The following ATP6V0D1 variants were observed in gnomAD, a reference collection of about 807,000 sequenced individuals.
ATP6V0D1 encodes the protein ATPase H+ transporting V0 subunit d1, also known as V-type proton ATPase subunit d 1.
In ATP6V0D1, 13 loss-of-function variants were observed where a neutral mutation model predicts 39.0. That is an observed-to-expected ratio of 0.33 (90% CI 0.22 to 0.53). ATP6V0D1 has a LOEUF of 0.53. Ranked by LOEUF, ATP6V0D1 falls within the 20% of genes least tolerant of loss-of-function variation. The probability of loss-of-function intolerance (pLI) is 0.94; values close to 1 mark genes in which losing one functional copy is unlikely to be tolerated. For missense variants in ATP6V0D1, 272 were observed against 470.9 expected, an observed-to-expected ratio of 0.58 and a Z score of 3.91; for synonymous variants, 191 against 191.2, an observed-to-expected ratio of 1.00 and a Z score of 0.01.
At chr16:67,457,979 C>T (rs560904193) in intron 1 of ATP6V0D1, among the ~76,000 whole-genome samples, 28 of 152,304 alleles carry the variant, frequency 1.8e-4, no homozygotes, top group South Asian at 4.1e-4. Flanking sequence ...GTCAAAGGGC[C>T]GTTCCAGACC....
chr16:67,457,884 G>A (rs796228210), intron 1 of ATP6V0D1, among the ~76,000 whole-genome samples: 6 of 152,314 alleles, frequency 3.9e-5, no homozygotes, highest in Middle Eastern at 3.4e-3. Context: ...GAGCAAACCC[G>A]GGAGACTCTA....
At chr16:67,461,836 A>G (rs901548484) in intron 1 of ATP6V0D1, among the ~76,000 whole-genome samples, 1 of 152,200 alleles carries the variant, frequency 6.6e-6, no homozygotes, top group African/African-American at 2.4e-5. Context: ...TCCCAAGTCC[A>G]GGAAGCAAAA....
rs2040996011 is a variant in ATP6V0D1 at position 67,438,089 on chromosome 16, C to T, written c.*439G>A. ...GAGGGAGGGAGCTGAGGAGCAACAT[C>T]CCCCCAGGCCCCAAGGACACACACA... On this transcript the variant is annotated 3_prime_UTR_variant, in exon 8 of 8. Transcript: ENST00000290949. 1 of 183,856 alleles carries T rather than the reference C, an allele frequency of 5.4e-6. No homozygotes were observed. The highest frequency in any genetic ancestry group is 2.4e-5 in the African/African-American group (1 of 41,990). The allele number at this position is 183,856 out of a possible 1,614,324, so 11.4% of individuals were successfully genotyped here.
intron 4 of ATP6V0D1, among the ~76,000 whole-genome samples, chr16:67,441,925 A>G (rs2041057769): frequency 6.6e-6 from 1 of 152,204 alleles, no homozygotes; most frequent in African/African-American, 2.4e-5. Context: ...CTACTGGCTG[A>G]CCCTGCCCAC....
chr16:67,458,982 C>T, intron 1 of ATP6V0D1: 1 of 905,918 alleles, frequency 1.1e-6, no homozygotes, highest in Non-Finnish European at 1.3e-6. Flanking sequence ...GAATGAAGTC[C>T]TCCAAATTGA....
At position 67,444,106 on chromosome 16, in the gene ATP6V0D1, G is replaced by T. The variant is rs562847533; in HGVS notation, c.481+422C>A. Among the ~76,000 whole-genome samples the T allele has an allele frequency of 6.6e-6, 1 of 152,238 alleles. No individual in the cohort carries two copies. Among genetic ancestry groups the T allele is most frequent in the Non-Finnish European group, 1.5e-5 (1 of 68,032 alleles). ...GGGGACCTGCTCGGTGGAGGGAAGTGGCAGTGTTTGCTTCGCTCCTTGCCT... is the reference window on the plus strand; with the variant it reads ...GGGGACCTGCTCGGTGGAGGGAAGTTGCAGTGTTTGCTTCGCTCCTTGCCT... On this transcript the variant is annotated intron_variant, in intron 3 of 7. Transcript: ENST00000290949. The surrounding 1 kb of genome is among the most constrained non-coding windows in gnomAD (Gnocchi z 4.8).
rs979448499 is a variant in ATP6V0D1 at position 67,444,588 on chromosome 16, C to T, written c.421G>A (p.Val141Met). ...TCAGCAGGTGTCTGAGCAATGTTCA[C>T]GGCCTCCATCTGCTCGAAGCTGCCT... ...PLGSFEQMEA[V>M]NIAQTPAELY... is the part of the protein sequence containing the mutation. Residue 141 changes from valine to methionine, a missense_variant, in exon 3 of 8, where the codon GTG becomes ATG. Transcript: ENST00000290949. The surrounding 1 kb of genome is among the most constrained non-coding windows in gnomAD (Gnocchi z 4.8). 6.2e-7 allele frequency: 1 copy of T among 1,613,334 alleles called. No homozygotes were observed. Among genetic ancestry groups the T allele is most frequent in the Admixed American group, 1.7e-5 (1 of 59,998 alleles).
chr16:67,472,638 C>A (rs777604745), intron 1 of ATP6V0D1, among the ~76,000 whole-genome samples: 1 of 152,110 alleles, frequency 6.6e-6, no homozygotes, highest in East Asian at 1.9e-4. Context: ...GATGCCAAGA[C>A]GGGAGGATCA....
In ATP6V0D1 at chr16:67,438,819, G is replaced by T; in HGVS notation, c.868C>A (p.Leu290Met). The change falls in exon 7 of 8, where the codon CTG becomes ATG. Residue 290 changes from leucine to methionine, a missense_variant. Transcript: ENST00000290949. ...GAGSNPGDKT[L>M]EDRFFEHEVK... ...TCGTGCTCAAAGAATCGGTCCTCCA[G>T]CGTCTTGTCTCCAGGGTTGCTACCT... 6.2e-7 allele frequency: 1 copy of T among 1,613,858 alleles called. No homozygotes were observed. Among genetic ancestry groups the T allele is most frequent in the South Asian group, 1.1e-5 (1 of 91,074 alleles).
chr16:67,444,993 C>T lies in ATP6V0D1; in HGVS notation c.303-287G>A, dbSNP rs2041098365. 6.6e-6 allele frequency among the ~76,000 whole-genome samples: 1 copy of T among 152,192 alleles called. No homozygotes were observed. The highest frequency in any genetic ancestry group is 1.5e-5 in the Non-Finnish European group (1 of 68,036). Reference sequence around the variant, plus strand: ...ACTGGGACACGAGCTAACTACCCCACAGCATGAACAGTGTTCTAACAGGAC... The same window carrying T: ...ACTGGGACACGAGCTAACTACCCCATAGCATGAACAGTGTTCTAACAGGAC... On this transcript the variant is annotated intron_variant, in intron 2 of 7. Transcript: ENST00000290949. The surrounding 1 kb of genome is among the most constrained non-coding windows in gnomAD (Gnocchi z 4.8).
chr16:67,465,261 C>G (rs982372324), intron 1 of ATP6V0D1, among the ~76,000 whole-genome samples: 10 of 152,164 alleles, frequency 6.6e-5, no homozygotes, highest in African/African-American at 2.4e-4. Context: ...CCGTGTGGAC[C>G]TGCAGTGCTT....
chr16:67,447,700 T>C lies in ATP6V0D1; in HGVS notation c.303-2994A>G, dbSNP rs578170320. The stretch of plus-strand genomic sequence containing the variant: ...AACTCAGCTTGGGCCCACAGACATC[T>C]TGGGTTGGAGTTTAGGAAGCCACTT... On this transcript the variant is annotated intron_variant, in intron 2 of 7. Coordinates refer to ENST00000290949, the MANE Select transcript of ATP6V0D1 (RefSeq NM_004691.5). This position sits in a 1 kb window ranked among gnomAD's most constrained non-coding sequence, Gnocchi z 4.1. 7.9e-5 allele frequency among the ~76,000 whole-genome samples: 12 copies of C among 152,324 alleles called. No homozygotes were observed. In the East Asian group the frequency reaches 2.1e-3, roughly 27 times the overall value.
chr16:67,450,296 C>T (rs1047162171), intron 2 of ATP6V0D1, among the ~76,000 whole-genome samples: 7 of 152,110 alleles, frequency 4.6e-5, no homozygotes, highest in African/African-American at 1.4e-4. Context: ...ACCTAAAAAC[C>T]CCCTATTCCA....
At chr16:67,445,888 G>T (rs1319971747) in intron 2 of ATP6V0D1, 1 of 455,368 alleles carries the variant, frequency 2.2e-6, no homozygotes, top group Non-Finnish European at 4.4e-6. Flanking sequence ...CCTCCAGTCT[G>T]TCACCAAAGA....
At position 67,438,505 on chromosome 16, in the gene ATP6V0D1, A is replaced by G; in HGVS notation, c.*23T>C. On this transcript the variant is annotated 3_prime_UTR_variant, in exon 8 of 8. Transcript: ENST00000290949. ...CACACACACACACACAAAGAGTGCA[A>G]TTGAGAGCCTTGGGCCAGGACGCTA... 2 of 1,613,374 alleles carry G rather than the reference A, an allele frequency of 1.2e-6. No individual in the cohort carries two copies. Among genetic ancestry groups the G allele is most frequent in the African/African-American group, 1.3e-5 (1 of 75,028 alleles).
chr16:67,481,128 C>A lies in ATP6V0D1; in HGVS notation c.-42G>T. 1.2e-6 allele frequency: 2 copies of A among 1,610,816 alleles called. No homozygotes were observed. Among genetic ancestry groups the A allele is most frequent in the Non-Finnish European group, 1.7e-6 (2 of 1,177,890 alleles). On this transcript the variant is annotated 5_prime_UTR_variant, in exon 1 of 8. Transcript: ENST00000290949. ...GCGGGACCGGAGAACCAGGACCGGC[C>A]GGCACGAATCGCGACTCCCCAGGTC...
At chr16:67,450,538 G>T (rs550592151) in intron 2 of ATP6V0D1, among the ~76,000 whole-genome samples, 1 of 152,140 alleles carries the variant, frequency 6.6e-6, no homozygotes, top group Admixed American at 6.5e-5. Flanking sequence ...AAATAGCTAG[G>T]GGGGCTGGGG....
chr16:67,458,010 A>G (rs2041255307), intron 1 of ATP6V0D1, among the ~76,000 whole-genome samples: 1 of 152,086 alleles, frequency 6.6e-6, no homozygotes, highest in East Asian at 1.9e-4. Flanking sequence ...GCCAAACCCC[A>G]CATCTCCCTG....
chr16:67,440,998 C>T (rs2041043968), intron 4 of ATP6V0D1: 1 of 152,348 alleles, frequency 6.6e-6, no homozygotes, highest in South Asian at 2.1e-4. Flanking sequence ...GTCAAAAATC[C>T]CACAGCCTGC....
Sources: gnomAD v4.1 joint callset for allele counts (sites outside exome capture counted in the v4.1 genomes callset) on GRCh38, gnomAD v4.1.1 for gene constraint, Gnocchi (gnomAD v3.1) non-coding constraint, MANE v1.5 for transcripts, NCBI Gene and HGNC (gene_info 2026-07-23, HGNC 2026-07-21) for gene names.